SLC4A4: variants seen among roughly 807,000 people sequenced by gnomAD.
The protein encoded by SLC4A4 is electrogenic sodium bicarbonate cotransporter 1.
Under a neutral mutation model 111.5 loss-of-function variants are expected in SLC4A4, and 27 were observed. The observed-to-expected ratio is 0.24, with a 90% CI of 0.18 to 0.33. SLC4A4 has a LOEUF of 0.33. Among genes scored for constraint, SLC4A4 ranks in the 10% least tolerant of loss-of-function variants. The probability of loss-of-function intolerance (pLI) is 1.00; values close to 1 mark genes in which losing one functional copy is unlikely to be tolerated. For missense variants in SLC4A4, 909 were observed against 1,315.5 expected (o/e 0.69, Z 4.78); for synonymous variants, 443 against 463.4 (o/e 0.96, Z 0.57).
At chr4:71,359,417 A>G (rs2148915766) in intron 6 of SLC4A4, among the ~76,000 whole-genome samples, 1 of 152,306 alleles carries the variant, frequency 6.6e-6, no homozygotes, top group Admixed American at 6.5e-5. Flanking sequence ...AACTTCTTTT[A>G]AATATCCAGA....
chr4:71,346,248 T>C (rs1729319638), intron 4 of SLC4A4, among the ~76,000 whole-genome samples: 1 of 152,138 alleles, frequency 6.6e-6, no homozygotes, highest in South Asian at 2.1e-4. Context: ...TTCTAAGACC[T>C]TGGAATAAAC....
intron 4 of SLC4A4, among the ~76,000 whole-genome samples, chr4:71,348,396 T>TTTA (rs1729520969): frequency 6.6e-6 from 1 of 151,888 alleles, no homozygotes; most frequent in African/African-American, 2.4e-5. Context: ...CACAGCTACT[T>TTTA]TTGTAGAAAT....
At chr4:71,287,770 A>G (rs1267631638) in intron 3 of SLC4A4, among the ~76,000 whole-genome samples, 1 of 152,244 alleles carries the variant, frequency 6.6e-6, no homozygotes, top group African/African-American at 2.4e-5. Flanking sequence ...GTCTCAACAC[A>G]AAAGAAATAA....
chr4:71,524,066 C>T (rs1349064502), intron 16 of SLC4A4, among the ~76,000 whole-genome samples: 1 of 152,134 alleles, frequency 6.6e-6, no homozygotes, highest in Non-Finnish European at 1.5e-5. Flanking sequence ...CACTTGCCAT[C>T]TGGAGCTACA....
At chr4:71,229,647 G>A (rs575817219) in intron 1 of SLC4A4, among the ~76,000 whole-genome samples, 4 of 152,098 alleles carry the variant, frequency 2.6e-5, no homozygotes, top group East Asian at 1.9e-4. Flanking sequence ...GCTGATCTCC[G>A]GGAGTCATCA....
intron 3 of SLC4A4, among the ~76,000 whole-genome samples, chr4:71,305,550 T>C (rs1249810994): frequency 6.6e-6 from 1 of 152,226 alleles, no homozygotes; most frequent in African/African-American, 2.4e-5. Context: ...AAGATACTAG[T>C]GTGATGCATG....
intron 2 of SLC4A4, among the ~76,000 whole-genome samples, chr4:71,173,790 T>C (rs186192041): frequency 1.3e-5 from 2 of 152,274 alleles, no homozygotes; most frequent in Admixed American, 6.5e-5. Flanking sequence ...CAGTTGACCA[T>C]GTATGAAAAT....
At chr4:71,383,877 C>G (rs1437212311) in intron 6 of SLC4A4, among the ~76,000 whole-genome samples, 2 of 152,158 alleles carry the variant, frequency 1.3e-5, no homozygotes, top group East Asian at 3.9e-4. Context: ...AGCCACCATG[C>G]TGTCTTCTCC....
chr4:71,333,200 C>A (rs1298205148), intron 3 of SLC4A4, among the ~76,000 whole-genome samples: 2 of 152,228 alleles, frequency 1.3e-5, no homozygotes, highest in East Asian at 1.9e-4. Context: ...TTGTTGTGAT[C>A]TATGACTTTG....
At chr4:71,484,182 A>G (rs1199857215) in intron 14 of SLC4A4, among the ~76,000 whole-genome samples, 1 of 151,868 alleles carries the variant, frequency 6.6e-6, no homozygotes, top group Non-Finnish European at 1.5e-5. Context: ...GTTTAATTAA[A>G]TTCCATTTGT....
At chr4:71,460,657 A>T (rs1295539391) in intron 12 of SLC4A4, among the ~76,000 whole-genome samples, 1 of 152,092 alleles carries the variant, frequency 6.6e-6, no homozygotes, top group Non-Finnish European at 1.5e-5. Flanking sequence ...CAGGGGAAAT[A>T]AAAAAATGAG....
chr4:71,260,300 C>T (rs975382961), intron 3 of SLC4A4, among the ~76,000 whole-genome samples: 2 of 152,166 alleles, frequency 1.3e-5, no homozygotes, highest in African/African-American at 4.8e-5. Context: ...CCCAACCTGA[C>T]CTCATACTTC....
At chr4:71,288,646 C>G (rs1975707) in intron 3 of SLC4A4, among the ~76,000 whole-genome samples, 5 of 152,022 alleles carry the variant, frequency 3.3e-5, no homozygotes, top group African/African-American at 9.6e-5. Context: ...TGATCCACCC[C>G]CCTTGGCCTC....
chr4:71,546,715 C>T (rs780028063), intron 19 of SLC4A4, among the ~76,000 whole-genome samples, 187 bp downstream of exon 19: 2 of 151,916 alleles, frequency 1.3e-5, no homozygotes, highest in Non-Finnish European at 2.9e-5. Context: ...GTTTACTCCT[C>T]ATGATATATC....
intron 3 of SLC4A4, among the ~76,000 whole-genome samples, chr4:71,299,683 G>A (rs754510496): frequency 1.7e-4 from 26 of 152,084 alleles, no homozygotes; most frequent in Non-Finnish European, 2.9e-4. Flanking sequence ...AGAGGGCAGG[G>A]GGCATGTCTC....
intron 4 of SLC4A4, among the ~76,000 whole-genome samples, chr4:71,348,936 C>T (rs189650341): frequency 6.6e-6 from 1 of 152,190 alleles, no homozygotes. Context: ...ATTTTTATTC[C>T]ATCTTTATCT....
chr4:71,529,567 C>T (rs538490427), intron 16 of SLC4A4, among the ~76,000 whole-genome samples: 1 of 152,028 alleles, frequency 6.6e-6, no homozygotes, highest in Non-Finnish European at 1.5e-5. Flanking sequence ...AATGCCTCCT[C>T]TACCAACTAA....
intron 2 of SLC4A4, among the ~76,000 whole-genome samples, chr4:71,155,085 GGTGT>G (rs36062875): frequency 1.2e-4 from 18 of 150,122 alleles, no homozygotes; most frequent in Non-Finnish European, 1.6e-4. Context: ...TGTATTATGG[GGTGT>G]GTGTGTGTGT....
At chr4:71,436,270 A>T (rs1724138135) in intron 7 of SLC4A4, among the ~76,000 whole-genome samples, 1 of 152,196 alleles carries the variant, frequency 6.6e-6, no homozygotes, top group Non-Finnish European at 1.5e-5. Flanking sequence ...GACATGGATG[A>T]AGCTGGAAAC....
Sources: allele counts gnomAD v4.1 joint callset (sites outside exome capture counted in the v4.1 genomes callset), GRCh38; gene constraint gnomAD v4.1.1; transcripts MANE v1.5; gene names NCBI Gene and HGNC (gene_info 2026-07-23, HGNC 2026-07-21).